Variants in C9orf43 observed in about 807,000 individuals in gnomAD.
C9orf43 encodes chromosome 9 open reading frame 43.
Under a neutral mutation model 59.1 loss-of-function variants are expected in C9orf43, and 45 were observed. That is an observed-to-expected ratio of 0.76 (90% confidence interval 0.60 to 0.98). The LOEUF is 0.98. C9orf43 is among the 50% of genes least tolerant of loss of function. The pLI is 0.00. For synonymous variants in C9orf43, 203 were observed against 196.8 expected, an observed-to-expected ratio of 1.03 and a Z score of -0.26; for missense variants, 533 against 554.9, an observed-to-expected ratio of 0.96 and a Z score of 0.40.
chr9:113,413,201 C>G (rs904074487), intron 1 of C9orf43, among the ~76,000 whole-genome samples: 1 of 152,164 alleles, frequency 6.6e-6, no homozygotes, highest in African/African-American at 2.4e-5. Context: ...TGGTTAAGTC[C>G]CAGGTCACTC....
At chr9:113,421,942 T>C (rs1778424288) in intron 5 of C9orf43, among the ~76,000 whole-genome samples, 1 of 152,100 alleles carries the variant, frequency 6.6e-6, no homozygotes, top group Non-Finnish European at 1.5e-5. Flanking sequence ...TCATGTGAGC[T>C]CCATGAGATA....
chr9:113,422,358 G>A (rs1828607741), intron 5 of C9orf43, among the ~76,000 whole-genome samples, 191 bp from the exon 6 acceptor site: 1 of 152,140 alleles, frequency 6.6e-6, no homozygotes, highest in South Asian at 2.1e-4. Context: ...AAGGTACTTG[G>A]GCAGCAGTTA....
intron 1 of C9orf43, among the ~76,000 whole-genome samples, chr9:113,411,495 T>C (rs2119045189): frequency 6.6e-6 from 1 of 152,190 alleles, no homozygotes; most frequent in South Asian, 2.1e-4. Context: ...GAGACAGGGT[T>C]TCACCGTGTT....
rs375387134 is a variant in C9orf43, at chr9:113,424,194, C to T, written c.685C>T (p.Leu229Phe). ...TTTGCCAGGTGGAAAGCAAACCATG[C>T]TCTGTCCAGAGATGAAGATAAAATT... Reference protein sequence around the residue: ...ELLPGGKQTMLCPEMKIKLAM... With the variant: ...ELLPGGKQTMFCPEMKIKLAM... The change falls in exon 8 of 14, where the codon CTC (leucine) becomes TTC (phenylalanine). Residue 229 changes from leucine to phenylalanine, a missense_variant. Coordinates refer to ENST00000374165, the MANE Select transcript of C9orf43 (RefSeq NM_001278629.2). The T allele has an allele frequency of 1.7e-5, 27 of 1,612,410 alleles. No homozygotes were observed. In the East Asian group the frequency reaches 3.6e-4, roughly 21 times the overall value.
At chr9:113,420,696 C>T (rs1281028864) in intron 4 of C9orf43, 1 of 913,622 alleles carries the variant, frequency 1.1e-6, no homozygotes, top group Non-Finnish European at 1.3e-6. Flanking sequence ...TAAAAGAAAA[C>T]ACCTTGCTTC....
In C9orf43 at chr9:113,413,762, A is replaced by G. The variant is rs768285318; in HGVS notation, c.155A>G (p.Lys52Arg). 4 of 1,613,588 alleles carry G rather than the reference A, an allele frequency of 2.5e-6. No individual in the cohort carries two copies. The highest frequency in any genetic ancestry group is 3.4e-6 in the Non-Finnish European group (4 of 1,179,848). ...SCKTPLDAED[K>R]LPVLTVVDIL... ...TTCTTCTGGTCTGCCTTCTTAGATA[A>G]ACTCCCAGTGCTCACCGTGGTAGAC... Residue 52 changes from lysine (K) to arginine (R), a missense_variant, in exon 3 of 14, where the codon AAA (lysine) becomes AGA (arginine). Physicochemically the swap from Lys to Arg is conservative, Grantham distance 26. Coordinates refer to ENST00000374165, the MANE Select transcript of C9orf43 (RefSeq NM_001278629.2).
At position 113,413,594 on chromosome 9, in the gene C9orf43, G is replaced by T. The variant is rs1232300939; in HGVS notation, c.101G>T (p.Gly34Val). ...CWATIRRIER[G>V]HPRILGSSCK... ...GCAACTATCCGCCGCATTGAGAGGG[G>T]CCATCCTCGAATCCTCGGCTCATCC... Residue 34 changes from glycine to valine, a missense_variant, in exon 2 of 14, where the codon GGC (glycine) becomes GTC (valine). By Grantham distance (109) the Gly-to-Val change is moderately radical (BLOSUM62 -3). Coordinates refer to ENST00000374165, the MANE Select transcript of C9orf43 (RefSeq NM_001278629.2). The T allele has an allele frequency of 1.2e-6, 2 of 1,614,120 alleles. No homozygotes were observed. Among genetic ancestry groups the T allele is most frequent in the Non-Finnish European group, 1.7e-6 (2 of 1,180,050 alleles).
chr9:113,425,828 C>A, intron 11 of C9orf43, 98 bp downstream of exon 11: 2 of 963,636 alleles, frequency 2.1e-6, no homozygotes, highest in Non-Finnish European at 3.4e-6. Flanking sequence ...ATTTTGAGAC[C>A]TGCCTTTGTC....
chr9:113,419,482 T>C (rs779725160), intron 4 of C9orf43, among the ~76,000 whole-genome samples: 4 of 152,130 alleles, frequency 2.6e-5, no homozygotes, highest in Non-Finnish European at 5.9e-5. Context: ...TCAGGGAAAC[T>C]GGAATGCTGG....
chr9:113,419,526 C>A (rs1336403235), intron 4 of C9orf43, among the ~76,000 whole-genome samples: 1 of 152,196 alleles, frequency 6.6e-6, no homozygotes, highest in East Asian at 1.9e-4. Flanking sequence ...AAGATCATCT[C>A]ATCTGATAAC....
chr9:113,417,969 A>T (rs542339855), intron 3 of C9orf43, among the ~76,000 whole-genome samples: 2 of 152,130 alleles, frequency 1.3e-5, no homozygotes, highest in South Asian at 4.1e-4. Flanking sequence ...CCTTTACATT[A>T]TTCATTCATT....
chr9:113,414,991 G>A (rs952374051), intron 3 of C9orf43, among the ~76,000 whole-genome samples: 3 of 151,904 alleles, frequency 2.0e-5, no homozygotes, highest in Admixed American at 2.0e-4. Flanking sequence ...ACCACCATGC[G>A]TGGCTGATTT....
At chr9:113,422,834 G>A (rs1368954917) in intron 6 of C9orf43, among the ~76,000 whole-genome samples, 1 of 152,066 alleles carries the variant, frequency 6.6e-6, no homozygotes, top group Admixed American at 6.5e-5. Context: ...GTGTTCAGGG[G>A]GGGAGTTTTT....
At position 113,425,408 on chromosome 9, in the gene C9orf43, T is replaced by A; in HGVS notation, c.930T>A (p.Pro310=). Residue 310 remains proline, a synonymous_variant, in exon 10 of 14, where the codon CCT becomes CCA. Coordinates refer to ENST00000374165, the MANE Select transcript of C9orf43 (RefSeq NM_001278629.2). ...AGCAACAGAAGAAGGTGAAAACACC[T>A]ATTAAGAAACAGGTAGAGTGGCAGT... ...QQQQQKKVKT[P]IKKQEAKKKA... 1.9e-6 allele frequency: 3 copies of A among 1,613,842 alleles called. No individual in the cohort carries two copies. The highest frequency in any genetic ancestry group is 2.5e-6 in the Non-Finnish European group (3 of 1,179,880).
At chr9:113,416,605 A>G (rs1006022885) in intron 3 of C9orf43, among the ~76,000 whole-genome samples, 1 of 150,960 alleles carries the variant, frequency 6.6e-6, no homozygotes, top group African/African-American at 2.4e-5. Flanking sequence ...TCAATTCCTC[A>G]TCTATGCCAC....
Position 113,413,602 on chromosome 9 carries a change from C to G in C9orf43, c.109C>G (p.Arg37Gly). 6.2e-7 allele frequency: 1 copy of G among 1,614,224 alleles called. No individual in the cohort carries two copies. The highest frequency in any genetic ancestry group is 8.5e-7 in the Non-Finnish European group (1 of 1,180,032). Residue 37 changes from arginine to glycine, a missense_variant, in exon 2 of 14, where the codon CGA (arginine) becomes GGA (glycine). By Grantham distance (125) the Arg-to-Gly change is moderately radical (BLOSUM62 -2). Transcript: ENST00000374165. The stretch of plus-strand genomic sequence containing the variant: ...CCGCCGCATTGAGAGGGGCCATCCT[C>G]GAATCCTCGGCTCATCCTGCAAAAC... ...TIRRIERGHP[R>G]ILGSSCKTPL... is the part of the protein sequence containing the mutation.
Position 113,429,510 on chromosome 9 carries a change from C to A in C9orf43, c.*124C>A. 1 of 751,704 alleles carries A rather than the reference C, an allele frequency of 1.3e-6. No individual in the cohort carries two copies. Among genetic ancestry groups the A allele is most frequent in the Non-Finnish European group, 2.2e-6 (1 of 458,674 alleles). The allele number at this position is 751,704 out of a possible 1,614,324, so 46.6% of individuals were successfully genotyped here. ...GCAAGAGGAGAGGGGCTTCTGCTCT[C>A]TGGAGCCTTTACCAGGGCCTGAGCT... On this transcript the variant is annotated 3_prime_UTR_variant, in exon 14 of 14. Transcript: ENST00000374165.
At chr9:113,419,189 C>T (rs573690776) in intron 4 of C9orf43, 24 bp downstream of exon 4, 2 of 1,560,932 alleles carry the variant, frequency 1.3e-6, no homozygotes, top group East Asian at 4.5e-5. Flanking sequence ...TTTAAAAGTA[C>T]TTCTTCAACA....
intron 1 of C9orf43, 168 bp downstream of exon 1, chr9:113,411,169 CTG>C: frequency 9.7e-6 from 9 of 928,810 alleles, no homozygotes; most frequent in Non-Finnish European, 1.2e-5. Context: ...AGCCTTTTCA[CTG>C]TATGAAGAAT....
Sources: allele counts gnomAD v4.1 joint callset (sites outside exome capture counted in the v4.1 genomes callset), GRCh38; gene constraint gnomAD v4.1.1; transcripts MANE v1.5; gene names NCBI Gene and HGNC (gene_info 2026-07-23, HGNC 2026-07-21).